POLB: variants seen among roughly 807,000 people sequenced by gnomAD.
POLB encodes the protein 5'-dRP lyase.
A neutral mutation model predicts 52.7 loss-of-function variants in POLB; 37 were observed. That is an observed-to-expected ratio of 0.70 (90% CI 0.54 to 0.92). The LOEUF (loss-of-function observed/expected upper bound fraction) is 0.92. Ranked by LOEUF, POLB falls within the 40% of genes least tolerant of loss-of-function variation. POLB has a pLI of 0.00. For missense variants in POLB, 313 were observed against 400.8 expected, an observed-to-expected ratio of 0.78 and a Z score of 1.87; for synonymous variants, 138 against 131.3, an observed-to-expected ratio of 1.05 and a Z score of -0.35.
intron 6 of POLB, among the ~76,000 whole-genome samples, chr8:42,353,399 C>T (rs1006783805): frequency 1.1e-4 from 17 of 151,906 alleles, no homozygotes; most frequent in African/African-American, 3.9e-4. Flanking sequence ...TGAGCCACCG[C>T]GCCTGGCCCC....
intron 9 of POLB, among the ~76,000 whole-genome samples, chr8:42,358,201 G>A (rs1823445045): frequency 6.6e-6 from 1 of 151,942 alleles, no homozygotes; most frequent in Non-Finnish European, 1.5e-5. Context: ...GCTCATACAT[G>A]CTTAAAAATA....
chr8:42,355,197 C>T (rs563975008), intron 6 of POLB, among the ~76,000 whole-genome samples: 1 of 152,052 alleles, frequency 6.6e-6, no homozygotes, highest in South Asian at 2.1e-4. Context: ...CACCACCATG[C>T]CTCGCTAATT....
Position 42,371,758 on chromosome 8 carries a change from T to C in POLB, c.*101T>C. 2 of 702,150 alleles carry C rather than the reference T, an allele frequency of 2.8e-6. No individual in the cohort carries two copies. The highest frequency in any genetic ancestry group is 5.2e-6 in the Non-Finnish European group (2 of 386,962). The allele number at this position is 702,150 out of a possible 1,614,324, so 43.5% of individuals were successfully genotyped here. Reference sequence around the variant, plus strand: ...TTTGGTGTTTTTAAATGATTGTTTCTTCTTCATGCTTTTGCTTGCAATGTA... The same window carrying C: ...TTTGGTGTTTTTAAATGATTGTTTCCTCTTCATGCTTTTGCTTGCAATGTA... On this transcript the variant is annotated 3_prime_UTR_variant, in exon 14 of 14. Transcript: ENST00000265421.
chr8:42,360,609 CT>C (rs1297851884), intron 9 of POLB, among the ~76,000 whole-genome samples: 3 of 152,094 alleles, frequency 2.0e-5, no homozygotes, highest in Non-Finnish European at 4.4e-5. Context: ...AAAATTCCAT[CT>C]CAGTGGAGAC....
At chr8:42,340,801 T>C (rs1822154986) in intron 2 of POLB, among the ~76,000 whole-genome samples, 1 of 152,360 alleles carries the variant, frequency 6.6e-6, no homozygotes, top group East Asian at 1.9e-4. Flanking sequence ...CTCCTTTCCT[T>C]ACTTCTGTGA....
At chr8:42,344,771 C>T (rs1395765643) in intron 2 of POLB, among the ~76,000 whole-genome samples, 182 bp from the exon 3 acceptor site, 1 of 151,802 alleles carries the variant, frequency 6.6e-6, no homozygotes, top group African/African-American at 2.4e-5. Context: ...GCTGAGATCG[C>T]GCTGCTGCAC....
rs547370216 is a variant in POLB, at chr8:42,365,139, A to G, written c.708+2441A>G. Among the ~76,000 whole-genome samples the G allele has an allele frequency of 5.3e-5, 8 of 152,308 alleles. No homozygotes were observed. The East Asian group carries it at 1.3e-3, about 26-fold the overall frequency. ...ATAGATGGTAAATTGTATGTTGTGTATATTTAACCCACACACATACAAAAA... is the reference window on the plus strand; with the variant it reads ...ATAGATGGTAAATTGTATGTTGTGTGTATTTAACCCACACACATACAAAAA... On this transcript the variant is annotated intron_variant, in intron 11 of 13. Transcript: ENST00000265421.
At chr8:42,345,307 T>C (rs1377289927) in intron 3 of POLB, among the ~76,000 whole-genome samples, 1 of 152,160 alleles carries the variant, frequency 6.6e-6, no homozygotes, top group Non-Finnish European at 1.5e-5. Flanking sequence ...TCAACTTGAG[T>C]GTTGGTTTTT....
intron 12 of POLB, 153 bp from the exon 13 acceptor site, chr8:42,369,696 T>G (rs745633655): frequency 5.5e-6 from 3 of 549,986 alleles, no homozygotes; most frequent in Non-Finnish European, 9.5e-6. Flanking sequence ...TGGGGTGATT[T>G]GAGCAGTCTA....
In POLB at chr8:42,338,580, A is replaced by C. The variant is rs746100208; in HGVS notation, c.-45A>C. On this transcript the variant is annotated 5_prime_UTR_variant, in exon 1 of 14. Transcript: ENST00000265421. ...CTCCTTCAAGCTGGGAGAGGGCTCTAGTCCCTGGTTCTGAACACTCTGGGG... is the reference window on the plus strand; with the variant it reads ...CTCCTTCAAGCTGGGAGAGGGCTCTCGTCCCTGGTTCTGAACACTCTGGGG... The C allele has an allele frequency of 6.4e-7, 1 of 1,562,750 alleles. No individual in the cohort carries two copies. The highest frequency in any genetic ancestry group is 1.1e-5 in the South Asian group (1 of 90,018).
At chr8:42,341,863 C>T (rs1054813925) in intron 2 of POLB, 2 of 595,008 alleles carry the variant, frequency 3.4e-6, no homozygotes, top group Middle Eastern at 5.2e-4. Flanking sequence ...TGGGATGGTT[C>T]CACCTCTTTT....
chr8:42,352,395 T>G, intron 5 of POLB, 124 bp from the exon 6 acceptor site: 1 of 712,630 alleles, frequency 1.4e-6, no homozygotes, highest in Non-Finnish European at 2.6e-6. Context: ...ATTACCAAAG[T>G]AGCCATGCAA....
chr8:42,355,747 C>G (rs531586790), intron 7 of POLB, among the ~76,000 whole-genome samples, 180 bp downstream of exon 7: 1 of 152,322 alleles, frequency 6.6e-6, no homozygotes, highest in South Asian at 2.1e-4. Flanking sequence ...AGTGCTTTCA[C>G]TTTTGCTTTC....
intron 6 of POLB, among the ~76,000 whole-genome samples, chr8:42,353,466 T>C (rs1823110466): frequency 6.6e-6 from 1 of 152,192 alleles, no homozygotes; most frequent in African/African-American, 2.4e-5. Context: ...AGCTAAGTTA[T>C]ATATTACTGA....
At chr8:42,349,226 T>C (rs1450901733) in intron 4 of POLB, 136 bp downstream of exon 4, 1 of 549,708 alleles carries the variant, frequency 1.8e-6, no homozygotes. Context: ...GTTGATGGCT[T>C]TAACTTTTTG....
At chr8:42,361,108 A>G (rs1233425908) in intron 9 of POLB, 187 bp from the exon 10 acceptor site, 1 of 694,166 alleles carries the variant, frequency 1.4e-6, no homozygotes, top group South Asian at 1.5e-5. Flanking sequence ...TCTGCTGTCT[A>G]CATCAATACA....
intron 11 of POLB, among the ~76,000 whole-genome samples, chr8:42,366,661 C>CT (rs1376865715): frequency 1.3e-5 from 2 of 152,124 alleles, no homozygotes; most frequent in Non-Finnish European, 2.9e-5. Context: ...TGGTTTGTAT[C>CT]TTTCATTATA....
intron 3 of POLB, among the ~76,000 whole-genome samples, chr8:42,346,559 T>C (rs1355846844): frequency 6.6e-6 from 1 of 151,828 alleles, no homozygotes; most frequent in Non-Finnish European, 1.5e-5. Context: ...TATTTTTTTT[T>C]TAATTTATTT....
At chr8:42,342,276 T>C in intron 2 of POLB, 1 of 1,539,990 alleles carries the variant, frequency 6.5e-7, no homozygotes, top group South Asian at 1.1e-5. Context: ...CCACTTGGCC[T>C]TCATAGATCT....
Sources: allele counts gnomAD v4.1 joint callset (sites outside exome capture counted in the v4.1 genomes callset), GRCh38; gene constraint gnomAD v4.1.1; transcripts MANE v1.5; gene names NCBI Gene and HGNC (gene_info 2026-07-23, HGNC 2026-07-21).